The following LAYN variants were observed in gnomAD, a reference collection of about 807,000 sequenced individuals.
The protein encoded by LAYN is layilin.
A neutral mutation model predicts 43.6 loss-of-function variants in LAYN; 38 were observed. That is an observed-to-expected ratio of 0.87 (90% CI 0.67 to 1.14). The LOEUF (loss-of-function observed/expected upper bound fraction) is 1.14. Among genes scored for constraint, LAYN ranks in the 50% most tolerant of loss-of-function variants. LAYN has a pLI of 0.00. For synonymous variants in LAYN, 168 were observed against 172.9 expected (o/e 0.97, Z 0.22); for missense variants, 479 against 463.8 (o/e 1.03, Z -0.30).
In LAYN at chr11:111,560,167, C is replaced by T. The variant is rs769739010; in HGVS notation, c.834C>T (p.Ser278=). 5 of 1,614,202 alleles carry T rather than the reference C, an allele frequency of 3.1e-6. No homozygotes were observed. Among genetic ancestry groups the T allele is most frequent in the South Asian group, 2.2e-5 (2 of 91,082 alleles). Residue 278 remains serine, a synonymous_variant, in exon 7 of 7, where the codon AGC becomes AGT. Coordinates refer to ENST00000375614, the MANE Select transcript of LAYN (RefSeq NM_178834.5). Reference sequence around the variant, plus strand: ...GGCCCTCTCCTCACCAGGGAAACAGCCCGGACCTAGAGGTCTACAATGTCA... The same window carrying T: ...GGCCCTCTCCTCACCAGGGAAACAGTCCGGACCTAGAGGTCTACAATGTCA... ...TIWPSPHQGN[S]PDLEVYNVIR...
chr11:111,545,740 C>T (rs2135792465), intron 2 of LAYN, among the ~76,000 whole-genome samples: 1 of 152,306 alleles, frequency 6.6e-6, no homozygotes, highest in African/African-American at 2.4e-5. Context: ...GCACAAATTC[C>T]TACGTGGGTC....
rs551939573 is a variant in LAYN, at chr11:111,560,953, G to A, written c.*495G>A. 1 of 154,038 alleles carries A rather than the reference G, an allele frequency of 6.5e-6. No individual in the cohort carries two copies. Among genetic ancestry groups the A allele is most frequent in the African/African-American group, 2.4e-5 (1 of 41,562 alleles). 9.5% of individuals were successfully genotyped at this position (154,038 alleles called of 1,614,324 possible). On this transcript the variant is annotated 3_prime_UTR_variant, in exon 7 of 7. Coordinates refer to ENST00000375614, the MANE Select transcript of LAYN (RefSeq NM_178834.5). ...AAAGAATAATAAAATCAAATAAAGA[G>A]CAGGAAACAGAGTGTTAGTCTGTGT... is the stretch of plus-strand genomic sequence containing the variant.
At chr11:111,546,511 A>G (rs1867650802) in intron 2 of LAYN, among the ~76,000 whole-genome samples, 1 of 152,172 alleles carries the variant, frequency 6.6e-6, no homozygotes, top group South Asian at 2.1e-4. Flanking sequence ...TCCCATACTT[A>G]GCTGACCTAC....
intron 3 of LAYN, among the ~76,000 whole-genome samples, chr11:111,552,251 C>T (rs921369437): frequency 6.6e-6 from 1 of 152,062 alleles, no homozygotes; most frequent in Non-Finnish European, 1.5e-5. Context: ...TTCCAGAGCC[C>T]CTCAAAGCTA....
intron 4 of LAYN, 51 bp downstream of exon 4, chr11:111,554,644 T>A: frequency 3.4e-6 from 5 of 1,459,922 alleles, no homozygotes; most frequent in Non-Finnish European, 4.8e-6. Context: ...TCATAGCCCC[T>A]CTTCACAGGT....
chr11:111,551,514 G>A, intron 3 of LAYN: 1 of 437,612 alleles, frequency 2.3e-6, no homozygotes, highest in Non-Finnish European at 4.6e-6. Context: ...ACACACCTTA[G>A]CATGCCAGAA....
chr11:111,554,135 C>T (rs1867791335), intron 3 of LAYN, among the ~76,000 whole-genome samples: 1 of 152,076 alleles, frequency 6.6e-6, no homozygotes, highest in African/African-American at 2.4e-5. Flanking sequence ...CCATTATGAA[C>T]TGAAAAAATG....
rs1867759625 is a variant in LAYN, at chr11:111,552,354, G to A, written c.542-2207G>A. ...AGGCTGTCCCCTTCACTACATGATT[G>A]GCATGAAGTCTGGAAACTTACCTGT... is the stretch of plus-strand genomic sequence containing the variant. On this transcript the variant is annotated intron_variant, in intron 3 of 6. Transcript: ENST00000375614. 3.3e-5 allele frequency among the ~76,000 whole-genome samples: 5 copies of A among 152,144 alleles called. No homozygotes were observed. The South Asian group carries it at 1.0e-3, about 32-fold the overall frequency.
intron 3 of LAYN, among the ~76,000 whole-genome samples, chr11:111,550,695 G>A (rs374521911): frequency 2.6e-5 from 4 of 152,130 alleles, no homozygotes; most frequent in Non-Finnish European, 4.4e-5. Flanking sequence ...ACCATACAGC[G>A]TTGTCTCAGG....
chr11:111,556,490 C>G (rs572471975), intron 5 of LAYN, among the ~76,000 whole-genome samples: 1 of 152,302 alleles, frequency 6.6e-6, no homozygotes, highest in African/African-American at 2.4e-5. Context: ...CTTATAAACC[C>G]TCTTATGGTC....
intron 3 of LAYN, among the ~76,000 whole-genome samples, chr11:111,554,187 G>T (rs1204396603): frequency 6.6e-6 from 1 of 152,180 alleles, no homozygotes; most frequent in Non-Finnish European, 1.5e-5. Flanking sequence ...GAGTGCAGGG[G>T]AGAGGAGTAG....
rs746915929 is a variant in LAYN, at chr11:111,543,984, T to C, written c.147T>C (p.Asp49=). ...RPCYKVIYFH[D]TSRRLNFEEA... ...GTTATAAAGTCATTTACTTCCATGATACTTCTCGAAGACTGAACTTTGAGG... is the reference window on the plus strand; with the variant it reads ...GTTATAAAGTCATTTACTTCCATGACACTTCTCGAAGACTGAACTTTGAGG... The change falls in exon 2 of 7, where the codon GAT becomes GAC. Residue 49 remains aspartate, a synonymous_variant. Transcript: ENST00000375614. 6 of 1,614,206 alleles carry C rather than the reference T, an allele frequency of 3.7e-6. No individual in the cohort carries two copies. In the Admixed American group the frequency reaches 1.0e-4, roughly 27 times the overall value.
At chr11:111,557,511 A>G (rs751889678) in intron 5 of LAYN, 30 bp from the exon 6 acceptor site, 8 of 1,564,906 alleles carry the variant, frequency 5.1e-6, no homozygotes, top group Admixed American at 1.7e-5. Flanking sequence ...AAAACAGCCA[A>G]TGCTGATCAT....
intron 1 of LAYN, among the ~76,000 whole-genome samples, chr11:111,542,309 T>G (rs1381704610): frequency 2.6e-5 from 4 of 152,202 alleles, no homozygotes; most frequent in African/African-American, 9.6e-5. Context: ...GCTGGACCAG[T>G]CTAATTAGAG....
chr11:111,555,119 TGCATCCCAA>T, intron 4 of LAYN, 79 bp from the exon 5 acceptor site: 2 of 980,210 alleles, frequency 2.0e-6, no homozygotes, highest in Admixed American at 2.3e-5. Flanking sequence ...ACAGCTTTTT[TGCATCCCAA>T]TTTGAACATG....
At chr11:111,555,500 C>G (rs1364443445) in intron 5 of LAYN, among the ~76,000 whole-genome samples, 3 of 152,144 alleles carry the variant, frequency 2.0e-5, no homozygotes, top group African/African-American at 7.2e-5. Flanking sequence ...CTGGGGAAAT[C>G]AGACAGCAGG....
At chr11:111,554,332 C>A (rs1320377478) in intron 3 of LAYN, among the ~76,000 whole-genome samples, 1 of 151,456 alleles carries the variant, frequency 6.6e-6, no homozygotes, top group Non-Finnish European at 1.5e-5. Context: ...TTTTTAAATA[C>A]TTTTTTAAAA....
chr11:111,540,628 G>T (rs972348395), upstream of LAYN: 2 of 509,050 alleles, frequency 3.9e-6, no homozygotes, highest in African/African-American at 2.0e-5. Flanking sequence ...GCTGTCGGGG[G>T]CGGGCCAGCC....
intron 5 of LAYN, among the ~76,000 whole-genome samples, chr11:111,557,086 G>A (rs567048459): frequency 1.1e-4 from 17 of 151,792 alleles, no homozygotes; most frequent in Non-Finnish European, 2.2e-4. Flanking sequence ...TGGGAACTCC[G>A]TGACTGTCCT....
Sources: allele counts gnomAD v4.1 joint callset (sites outside exome capture counted in the v4.1 genomes callset), GRCh38; gene constraint gnomAD v4.1.1; transcripts MANE v1.5; gene names NCBI Gene and HGNC (gene_info 2026-07-23, HGNC 2026-07-21).